The following ARHGAP22 variants were observed in gnomAD, a reference collection of about 807,000 sequenced individuals.
ARHGAP22 encodes Rho GTPase activating protein 22, also known as rho GTPase-activating protein 22.
ARHGAP22 carries 48 observed loss-of-function variants against 59.1 expected under a neutral mutation model. That is an observed-to-expected ratio of 0.81 (90% CI 0.64 to 1.03). The LOEUF (loss-of-function observed/expected upper bound fraction) is 1.03. Ranked by LOEUF, ARHGAP22 falls within the 50% of genes least tolerant of loss-of-function variation. ARHGAP22 has a pLI of 0.00. For synonymous variants in ARHGAP22, 445 were observed against 416.4 expected (o/e 1.07, Z -0.84); for missense variants, 1,015 against 958.7 (o/e 1.06, Z -0.78).
At chr10:48,624,814 C>T (rs2061393336) in intron 1 of ARHGAP22, 1 of 152,200 alleles carries the variant, frequency 6.6e-6, no homozygotes, top group African/African-American at 2.4e-5. Flanking sequence ...ACATTCCAAC[C>T]CTAAGGGCAA....
At chr10:48,639,712 GA>G (rs1185922206) in intron 1 of ARHGAP22, among the ~76,000 whole-genome samples, 2 of 152,106 alleles carry the variant, frequency 1.3e-5, no homozygotes, top group African/African-American at 4.8e-5. Flanking sequence ...TTAAACAAAT[GA>G]ACAATTTAAC....
At position 48,497,664 on chromosome 10, in the gene ARHGAP22, G is replaced by A. The variant is rs557737686; in HGVS notation, c.323-17900C>T. Among the ~76,000 whole-genome samples the A allele has an allele frequency of 2.0e-5, 3 of 152,276 alleles. No individual in the cohort carries two copies. The South Asian group carries it at 6.2e-4, about 32-fold the overall frequency. Reference sequence around the variant, plus strand: ...AGGCAGGGCACTACCGGGGACACAGGAACAAAGCCAAGGAAACCTGTGGTC... The same window carrying A: ...AGGCAGGGCACTACCGGGGACACAGAAACAAAGCCAAGGAAACCTGTGGTC... On this transcript the variant is annotated intron_variant, in intron 3 of 9. Coordinates refer to ENST00000249601, the MANE Select transcript of ARHGAP22 (RefSeq NM_021226.4).
In ARHGAP22 at chr10:48,450,289, G is replaced by T. The variant is rs138535081; in HGVS notation, c.1840C>A (p.Arg614=). 1.9e-6 allele frequency: 3 copies of T among 1,609,418 alleles called. No individual in the cohort carries two copies. The African/African-American group carries it at 4.0e-5, about 21-fold the overall frequency. ...TELRAELCRQ[R]TEYERSVKRI... is the part of the protein sequence containing the mutation. ...TTCACACTCCTCTCGTACTCAGTCC[G>T]CTGGCGGCACAGCTCGGCCCTGAGC... The change falls in exon 9 of 10, where the codon CGG becomes AGG. Residue 614 remains arginine, a synonymous_variant. Transcript: ENST00000249601.
chr10:48,652,108 G>A (rs2377613), intron 1 of ARHGAP22: 467,606 of 887,982 alleles, frequency 0.53, 125,880 homozygotes, highest in Admixed American at 0.62. Flanking sequence ...TCAGAACCCT[G>A]ACCACAGATG....
At chr10:48,542,148 C>T (rs773458552) in intron 3 of ARHGAP22, among the ~76,000 whole-genome samples, 1 of 152,184 alleles carries the variant, frequency 6.6e-6, no homozygotes, top group Non-Finnish European at 1.5e-5. Context: ...CAAACTCACT[C>T]AGGACTTGAG....
chr10:48,547,394 T>C (rs1433873962), intron 3 of ARHGAP22, among the ~76,000 whole-genome samples: 1 of 152,166 alleles, frequency 6.6e-6, no homozygotes, highest in Non-Finnish European at 1.5e-5. Context: ...AGGATTCCCA[T>C]CTGGTGTTTG....
chr10:48,463,691 G>A (rs1251578645), intron 4 of ARHGAP22, among the ~76,000 whole-genome samples: 1 of 152,128 alleles, frequency 6.6e-6, no homozygotes, highest in Non-Finnish European at 1.5e-5. Context: ...AGCTGCCCCA[G>A]ATCCTCCCTT....
chr10:48,596,770 G>A (rs1018197531), intron 1 of ARHGAP22, among the ~76,000 whole-genome samples: 3 of 152,204 alleles, frequency 2.0e-5, no homozygotes, highest in East Asian at 1.9e-4. Context: ...GGAAGAGACC[G>A]TGCCCCCTTT....
chr10:48,523,380 C>T (rs2053992298), intron 3 of ARHGAP22, among the ~76,000 whole-genome samples: 1 of 152,268 alleles, frequency 6.6e-6, no homozygotes, highest in South Asian at 2.1e-4. Context: ...CAACAGGGAT[C>T]ATTTCAGTCA....
chr10:48,563,789 T>C (rs761495237), intron 2 of ARHGAP22, among the ~76,000 whole-genome samples: 1 of 152,226 alleles, frequency 6.6e-6, no homozygotes, highest in Non-Finnish European at 1.5e-5. Flanking sequence ...TCCAAAGATT[T>C]GCTATAAAAG....
chr10:48,639,214 CAGT>C, intron 1 of ARHGAP22, among the ~76,000 whole-genome samples: 2 of 152,296 alleles, frequency 1.3e-5, no homozygotes, highest in South Asian at 4.1e-4. Flanking sequence ...TTATGATTGT[CAGT>C]ACTACTGACA....
At chr10:48,452,723 C>T (rs2046101013) in intron 8 of ARHGAP22, among the ~76,000 whole-genome samples, 1 of 152,214 alleles carries the variant, frequency 6.6e-6, no homozygotes, top group East Asian at 1.9e-4. Flanking sequence ...TGGTGAGTCC[C>T]CTCGCCTCTC....
At chr10:48,651,372 G>A (rs1439872629) in intron 1 of ARHGAP22, among the ~76,000 whole-genome samples, 1 of 151,978 alleles carries the variant, frequency 6.6e-6, no homozygotes, top group African/African-American at 2.4e-5. Flanking sequence ...CACAGCCCAT[G>A]CAGCCCAGCA....
In ARHGAP22 at chr10:48,591,869, G is replaced by A. The variant is rs537578802; in HGVS notation, c.35-8717C>T. ...AGCTTGGACAATAGAGCAAGACCCT[G>A]TCTAAAAAAAACCCCAAAACAACAA... On this transcript the variant is annotated intron_variant, in intron 1 of 9. Transcript: ENST00000249601. Among the ~76,000 whole-genome samples the A allele has an allele frequency of 5.9e-5, 9 of 152,030 alleles. No homozygotes were observed. The South Asian group carries it at 1.9e-3, about 32-fold the overall frequency.
upstream of ARHGAP22, among the ~76,000 whole-genome samples, chr10:48,653,005 C>T (rs1053206173): frequency 5.3e-5 from 8 of 152,172 alleles, no homozygotes; most frequent in South Asian, 2.1e-4. Flanking sequence ...AACAGCCAAG[C>T]GATATTTATG....
At chr10:48,599,917 C>T (rs529979163) in intron 1 of ARHGAP22, among the ~76,000 whole-genome samples, 3 of 152,316 alleles carry the variant, frequency 2.0e-5, no homozygotes, top group African/African-American at 7.2e-5. Context: ...GTATTGCTGG[C>T]ATCCCTGGGG....
chr10:48,596,737 T>C (rs1026704787), intron 1 of ARHGAP22, among the ~76,000 whole-genome samples: 1 of 152,238 alleles, frequency 6.6e-6, no homozygotes, highest in Admixed American at 6.5e-5. Flanking sequence ...CAACCCATTC[T>C]GGTGTCTCTC....
chr10:48,603,077 G>T (rs2060478694), intron 1 of ARHGAP22, among the ~76,000 whole-genome samples: 1 of 152,186 alleles, frequency 6.6e-6, no homozygotes, highest in Non-Finnish European at 1.5e-5. Flanking sequence ...GACTGGAAGA[G>T]GGCTGTATGG....
intron 1 of ARHGAP22, among the ~76,000 whole-genome samples, chr10:48,651,677 C>T (rs983842745): frequency 6.6e-6 from 1 of 152,176 alleles, no homozygotes; most frequent in African/African-American, 2.4e-5. Context: ...GAGCACCTGC[C>T]TGTGACCCAA....
Sources: allele counts gnomAD v4.1 joint callset (sites outside exome capture counted in the v4.1 genomes callset), GRCh38; gene constraint gnomAD v4.1.1; transcripts MANE v1.5; gene names NCBI Gene and HGNC (gene_info 2026-07-23, HGNC 2026-07-21).